The following SPOCK3 variants were observed in gnomAD, a reference collection of about 807,000 sequenced individuals.
The protein encoded by SPOCK3 is testican-3.
In SPOCK3, 30 loss-of-function variants were observed where a neutral mutation model predicts 56.6. The ratio of observed to expected loss-of-function variants is 0.53; its 90% CI spans 0.40 to 0.72. SPOCK3 has a LOEUF of 0.72. SPOCK3 is among the 30% of genes least tolerant of loss of function. The pLI, the probability that SPOCK3 is intolerant of heterozygous loss-of-function variation, is 0.00. For missense variants in SPOCK3, 527 were observed against 530.0 expected (o/e 0.99, Z 0.06); for synonymous variants, 196 against 183.3 (o/e 1.07, Z -0.56).
At chr4:166,796,632 A>G (rs909268926) in intron 6 of SPOCK3, among the ~76,000 whole-genome samples, 10 of 152,192 alleles carry the variant, frequency 6.6e-5, no homozygotes, top group African/African-American at 2.4e-4. Context: ...AATTTAGTTC[A>G]CAAAATACCA....
At chr4:167,123,396 T>C (rs1762018192) in intron 2 of SPOCK3, among the ~76,000 whole-genome samples, 1 of 152,218 alleles carries the variant, frequency 6.6e-6, no homozygotes, top group East Asian at 1.9e-4. Context: ...TGTGGCTTTC[T>C]ATTTCATGGG....
intron 2 of SPOCK3, among the ~76,000 whole-genome samples, chr4:167,145,811 C>G (rs1763899468): frequency 6.6e-6 from 1 of 152,030 alleles, no homozygotes; most frequent in African/African-American, 2.4e-5. Flanking sequence ...CTGAAGGAAG[C>G]ACTACACATG....
chr4:167,103,809 A>G (rs887522454), intron 2 of SPOCK3, among the ~76,000 whole-genome samples: 2 of 152,122 alleles, frequency 1.3e-5, no homozygotes, highest in Non-Finnish European at 2.9e-5. Flanking sequence ...GCTAGCTTCA[A>G]TTCTGACCCA....
At chr4:166,940,601 A>G (rs1740938802) in intron 4 of SPOCK3, among the ~76,000 whole-genome samples, 1 of 151,668 alleles carries the variant, frequency 6.6e-6, no homozygotes, top group Non-Finnish European at 1.5e-5. Flanking sequence ...CCCTTTGCTC[A>G]TTGTAATAAT....
intron 3 of SPOCK3, among the ~76,000 whole-genome samples, chr4:167,027,547 C>T (rs929086610): frequency 6.6e-6 from 1 of 151,822 alleles, no homozygotes; most frequent in Non-Finnish European, 1.5e-5. Flanking sequence ...GGAAATCAAC[C>T]CCCATGCAGT....
chr4:167,107,029 TA>T (rs1248874251), intron 2 of SPOCK3, among the ~76,000 whole-genome samples: 1 of 151,648 alleles, frequency 6.6e-6, no homozygotes, highest in Non-Finnish European at 1.5e-5. Context: ...CTCAATAAAA[TA>T]GATGCCCAGG....
chr4:166,834,436 C>G (rs1054284846), intron 6 of SPOCK3, among the ~76,000 whole-genome samples: 1 of 152,198 alleles, frequency 6.6e-6, no homozygotes, highest in African/African-American at 2.4e-5. Context: ...CACCACTGCT[C>G]TCTGATGAGC....
intron 6 of SPOCK3, among the ~76,000 whole-genome samples, chr4:166,872,171 T>C (rs1732556940): frequency 6.6e-6 from 1 of 151,852 alleles, no homozygotes; most frequent in Non-Finnish European, 1.5e-5. Flanking sequence ...ATCACTCATA[T>C]TAAACAGTAC....
intron 4 of SPOCK3, among the ~76,000 whole-genome samples, chr4:166,930,237 C>T (rs1739586444): frequency 6.6e-6 from 1 of 151,830 alleles, no homozygotes; most frequent in African/African-American, 2.4e-5. Flanking sequence ...ATTTTTCCCT[C>T]AAAACATTGG....
At chr4:167,166,072 G>T (rs1446741205) in intron 2 of SPOCK3, among the ~76,000 whole-genome samples, 2 of 151,958 alleles carry the variant, frequency 1.3e-5, no homozygotes, top group African/African-American at 2.4e-5. Context: ...AGACAACAAT[G>T]AGAAATTCAT....
intron 8 of SPOCK3, among the ~76,000 whole-genome samples, chr4:166,749,738 T>C (rs976714057): frequency 2.0e-4 from 31 of 152,256 alleles, no homozygotes; most frequent in African/African-American, 6.0e-4. Flanking sequence ...TTGAAATTGA[T>C]CCAATTGATC....
chr4:167,062,701 A>G, intron 2 of SPOCK3, 164 bp from the exon 3 acceptor site: 2 of 581,616 alleles, frequency 3.4e-6, no homozygotes, highest in Admixed American at 3.4e-5. Context: ...AATAAAAAAG[A>G]AACAAGAGAA....
At position 167,022,314 on chromosome 4, in the gene SPOCK3, CA is replaced by C. The variant is rs563764984; in HGVS notation, c.236-21852del. On this transcript the variant is annotated intron_variant, in intron 3 of 10. Transcript: ENST00000357545. ...TCCTCTTTTGCCATCAACTGTTCTG[CA>C]ACTGAAAAATATTATCCAGCTTGTC... Among the ~76,000 whole-genome samples the C allele has an allele frequency of 3.5e-3, 528 of 152,148 alleles. 3 individuals are homozygous for C. Among genetic ancestry groups the C allele is most frequent in the Non-Finnish European group, 6.1e-3 (414 of 67,960 alleles).
chr4:167,082,040 ATC>A (rs150156627), intron 2 of SPOCK3, among the ~76,000 whole-genome samples: 3,720 of 152,168 alleles, frequency 0.024, 131 homozygotes, highest in African/African-American at 0.084. Context: ...ACCCAAGTGA[ATC>A]TCTGTTCTGA....
At chr4:166,866,734 T>C (rs1731881069) in intron 6 of SPOCK3, among the ~76,000 whole-genome samples, 1 of 152,156 alleles carries the variant, frequency 6.6e-6, no homozygotes, top group Non-Finnish European at 1.5e-5. Context: ...TTCAAAAGGA[T>C]ATACTCCGGA....
At chr4:167,070,229 C>G (rs1756543368) in intron 2 of SPOCK3, among the ~76,000 whole-genome samples, 1 of 151,878 alleles carries the variant, frequency 6.6e-6, no homozygotes, top group East Asian at 1.9e-4. Context: ...ACTGAAAGAT[C>G]CTACTTTTTC....
At chr4:167,137,182 G>A (rs1017882638) in intron 2 of SPOCK3, among the ~76,000 whole-genome samples, 3 of 151,924 alleles carry the variant, frequency 2.0e-5, no homozygotes, top group African/African-American at 7.2e-5. Context: ...TGAGCAGAGA[G>A]AAAAATTGCA....
intron 4 of SPOCK3, among the ~76,000 whole-genome samples, chr4:166,928,221 C>T (rs1412153941): frequency 6.6e-6 from 1 of 152,194 alleles, no homozygotes; most frequent in African/African-American, 2.4e-5. Flanking sequence ...CAATTATACT[C>T]ATTGGTATGT....
chr4:167,186,899 C>T (rs531417793), intron 2 of SPOCK3, among the ~76,000 whole-genome samples: 2 of 150,816 alleles, frequency 1.3e-5, no homozygotes, highest in African/African-American at 4.9e-5. Flanking sequence ...ATCGCTGGAA[C>T]CCGGGAGGCA....
Sources: allele counts gnomAD v4.1 joint callset (sites outside exome capture counted in the v4.1 genomes callset), GRCh38; gene constraint gnomAD v4.1.1; transcripts MANE v1.5; gene names NCBI Gene and HGNC (gene_info 2026-07-23, HGNC 2026-07-21).